RAI2: variants seen among roughly 807,000 people sequenced by gnomAD.
RAI2 encodes retinoic acid induced 2.
RAI2 carries 5 observed loss-of-function variants against 15.3 expected under a neutral mutation model. The observed-to-expected ratio is 0.33, with a 90% CI of 0.17 to 0.69. RAI2 has a LOEUF of 0.69. Among genes scored for constraint, RAI2 ranks in the 30% least tolerant of loss-of-function variants. The pLI, the probability that RAI2 is intolerant of heterozygous loss-of-function variation, is 0.69. For synonymous variants in RAI2, 191 were observed against 184.0 expected, an observed-to-expected ratio of 1.04 and a Z score of -0.31; for missense variants, 424 against 424.7, an observed-to-expected ratio of 1.00 and a Z score of 0.01.
chrX:17,826,825 T>C (rs1304408493), intron 1 of RAI2, among the ~76,000 whole-genome samples: 1 of 111,561 alleles, frequency 9.0e-6, no homozygotes, highest in Non-Finnish European at 1.9e-5. Flanking sequence ...TTTCCTGCCA[T>C]GTAAGATGTG....
intron 1 of RAI2, among the ~76,000 whole-genome samples, chrX:17,827,211 C>A (rs2067236378): frequency 9.0e-6 from 1 of 111,471 alleles, no homozygotes; most frequent in South Asian, 3.8e-4. Context: ...TCTACAGCAG[C>A]CCTTAGTGCA....
chrX:17,856,491 A>C (rs1294834293), intron 1 of RAI2, among the ~76,000 whole-genome samples: 3 of 112,305 alleles, frequency 2.7e-5, no homozygotes, highest in Admixed American at 1.9e-4. Context: ...CTCACCAGAC[A>C]CTGAATCTGC....
intron 1 of RAI2, among the ~76,000 whole-genome samples, chrX:17,809,588 T>C (rs1162497371): frequency 9.0e-6 from 1 of 110,876 alleles, no homozygotes; most frequent in Non-Finnish European, 1.9e-5. Context: ...TAATTATATA[T>C]GTGTGTGCAT....
chrX:17,804,788 C>T (rs1232090582), intron 1 of RAI2, among the ~76,000 whole-genome samples: 1 of 112,693 alleles, frequency 8.9e-6, no homozygotes, highest in East Asian at 2.8e-4. Flanking sequence ...ATGCCTCCTC[C>T]ACCTGCTCCT....
At chrX:17,826,219 C>T (rs781442197) in intron 1 of RAI2, among the ~76,000 whole-genome samples, 1 of 111,570 alleles carries the variant, frequency 9.0e-6, no homozygotes, top group East Asian at 2.8e-4. Context: ...CTGGTTCCTT[C>T]TCAGCTAAGT....
chrX:17,819,582 C>T (rs1268523209), intron 1 of RAI2, among the ~76,000 whole-genome samples: 7 of 112,504 alleles, frequency 6.2e-5, no homozygotes, highest in Non-Finnish European at 1.3e-4. Context: ...ATGGAAGCAA[C>T]CTAAATGTTG....
At chrX:17,832,962 C>T (rs144573719) in intron 1 of RAI2, among the ~76,000 whole-genome samples, 365 of 111,622 alleles carry the variant, frequency 3.3e-3, no homozygotes, top group Middle Eastern at 4.7e-3. Flanking sequence ...AGTTCACCCA[C>T]GGGCACATCA....
intron 1 of RAI2, among the ~76,000 whole-genome samples, chrX:17,858,001 A>G (rs1324411911): frequency 9.0e-6 from 1 of 111,183 alleles, no homozygotes; most frequent in Non-Finnish European, 1.9e-5. Flanking sequence ...GAAGAGATCC[A>G]GAGATTTGTA....
chrX:17,800,719 A>T lies in RAI2; in HGVS notation c.1292T>A (p.Val431Glu). ...EVKAENNIEM[V>E]GESQAAKVIV... ...GACCTTGGCCGCCTGGGACTCGCCC[A>T]CCATCTCAATGTTATTTTCAGCCTT... The change falls in exon 2 of 2, where the codon GTG becomes GAG. Residue 431 changes from valine (V) to glutamate (E), a missense_variant. Transcript: ENST00000451717. 4 of 1,211,712 alleles carry T rather than the reference A, an allele frequency of 3.3e-6. No individual in the cohort carries two copies. Among genetic ancestry groups the T allele is most frequent in the Non-Finnish European group, 4.5e-6 (4 of 895,551 alleles).
At chrX:17,849,123 C>G (rs1372159168) in intron 1 of RAI2, among the ~76,000 whole-genome samples, 3 of 112,426 alleles carry the variant, frequency 2.7e-5, no homozygotes, top group Non-Finnish European at 5.6e-5. Context: ...CTAATGCACA[C>G]TTGCCCTTGA....
Position 17,801,662 on chromosome X carries a change from G to C in RAI2, c.349C>G (p.Gln117Glu). ...ACCACGGGCAGTTGCACGGGGCCCT[G>C]GGTGGTCATGACGTAGGTGGCATTG... is the stretch of plus-strand genomic sequence containing the variant. Reference protein sequence around the residue: ...NGNATYVMTTQGPVQLPVVLE... With the variant: ...NGNATYVMTTEGPVQLPVVLE... Residue 117 changes from glutamine to glutamate, a missense_variant, in exon 2 of 2, where the codon CAG (glutamine) becomes GAG (glutamate). Gln to Glu is a conservative substitution (Grantham distance 29, BLOSUM62 2). Transcript: ENST00000451717. 1.7e-6 allele frequency: 2 copies of C among 1,212,030 alleles called. No homozygotes were observed. Among genetic ancestry groups the C allele is most frequent in the South Asian group, 1.8e-5 (1 of 57,006 alleles).
At chrX:17,807,550 GA>G (rs2066995133) in intron 1 of RAI2, among the ~76,000 whole-genome samples, 1 of 111,516 alleles carries the variant, frequency 9.0e-6, no homozygotes, top group African/African-American at 3.3e-5. Flanking sequence ...TCTTTTTATT[GA>G]TGAGTAAGCT....
At chrX:17,839,988 A>T (rs768439120) in intron 1 of RAI2, among the ~76,000 whole-genome samples, 1 of 112,694 alleles carries the variant, frequency 8.9e-6, no homozygotes, top group South Asian at 3.7e-4. Flanking sequence ...ATGTGTGTAC[A>T]CGTGTGTGTG....
chrX:17,827,848 G>T (rs2067243591), intron 1 of RAI2, among the ~76,000 whole-genome samples: 1 of 111,816 alleles, frequency 8.9e-6, no homozygotes, highest in Admixed American at 9.4e-5. Flanking sequence ...GCTGAGGGAA[G>T]GTGGGGAGGT....
intron 1 of RAI2, among the ~76,000 whole-genome samples, chrX:17,813,795 G>A (rs1343249647): frequency 8.9e-6 from 1 of 111,739 alleles, no homozygotes; most frequent in Non-Finnish European, 1.9e-5. Flanking sequence ...CTGAAACGCT[G>A]GTTTCTGTCT....
intron 1 of RAI2, among the ~76,000 whole-genome samples, chrX:17,848,686 T>C (rs2067492379): frequency 9.0e-6 from 1 of 110,627 alleles, no homozygotes; most frequent in Admixed American, 9.5e-5. Context: ...AGACTTTAAT[T>C]AGGGTGAAGA....
intron 1 of RAI2, among the ~76,000 whole-genome samples, chrX:17,858,463 C>T (rs893646979): frequency 8.9e-5 from 10 of 112,284 alleles, no homozygotes; most frequent in Middle Eastern, 4.2e-3. Context: ...ACAGACGTTT[C>T]CTATTTTCTT....
At chrX:17,814,844 G>A (rs1007898597) in intron 1 of RAI2, among the ~76,000 whole-genome samples, 2 of 110,363 alleles carry the variant, frequency 1.8e-5, no homozygotes, top group Non-Finnish European at 3.8e-5. Context: ...GAGTCACAGA[G>A]GGAGTTTCTT....
chrX:17,846,681 C>T (rs989421128), intron 1 of RAI2, among the ~76,000 whole-genome samples: 5 of 111,266 alleles, frequency 4.5e-5, no homozygotes, highest in Non-Finnish European at 9.4e-5. Flanking sequence ...GACTACTCAC[C>T]TAGGCCTGGC....
Sources: gnomAD v4.1 joint callset for allele counts (sites outside exome capture counted in the v4.1 genomes callset) on GRCh38, gnomAD v4.1.1 for gene constraint, MANE v1.5 for transcripts, NCBI Gene and HGNC (gene_info 2026-07-23, HGNC 2026-07-21) for gene names.